CAMK1D: variants seen among roughly 807,000 people sequenced by gnomAD.
CAMK1D encodes calcium/calmodulin dependent protein kinase ID, also known as calcium/calmodulin-dependent protein kinase type 1D.
Under a neutral mutation model 47.7 loss-of-function variants are expected in CAMK1D, and 9 were observed. The observed-to-expected ratio is 0.19, with a 90% CI of 0.11 to 0.33. The LOEUF is 0.33. CAMK1D is among the 10% of genes least tolerant of loss of function. The probability of loss-of-function intolerance (pLI) is 1.00; values close to 1 mark genes in which losing one functional copy is unlikely to be tolerated. For synonymous variants in CAMK1D, 184 were observed against 184.9 expected, an observed-to-expected ratio of 0.99 and a Z score of 0.04; for missense variants, 291 against 488.7, an observed-to-expected ratio of 0.60 and a Z score of 3.81.
intron 1 of CAMK1D, among the ~76,000 whole-genome samples, chr10:12,529,573 A>G (rs1835737917): frequency 6.6e-6 from 1 of 152,188 alleles, no homozygotes; most frequent in Non-Finnish European, 1.5e-5. Context: ...CTTGATTTAG[A>G]TGACATATGT....
intron 3 of CAMK1D, among the ~76,000 whole-genome samples, chr10:12,752,444 G>C (rs1360248644): frequency 6.6e-6 from 1 of 152,146 alleles, no homozygotes; most frequent in Non-Finnish European, 1.5e-5. Flanking sequence ...TTGGAGACTC[G>C]GGAGGGTAGA....
chr10:12,367,052 G>A (rs990823282), intron 1 of CAMK1D, among the ~76,000 whole-genome samples: 8 of 152,126 alleles, frequency 5.3e-5, no homozygotes, highest in Admixed American at 2.0e-4. Flanking sequence ...TCAGCAGCGG[G>A]ACAGATCCTG....
intron 6 of CAMK1D, among the ~76,000 whole-genome samples, chr10:12,807,043 T>C (rs1441498101): frequency 6.6e-6 from 1 of 152,194 alleles, no homozygotes; most frequent in East Asian, 1.9e-4. Flanking sequence ...CTCTGAGTGA[T>C]CTTATCTGCT....
At chr10:12,632,602 C>G (rs1242926598) in intron 2 of CAMK1D, among the ~76,000 whole-genome samples, 3 of 152,176 alleles carry the variant, frequency 2.0e-5, no homozygotes, top group African/African-American at 7.2e-5. Flanking sequence ...GTATTTATTT[C>G]TGTTTTAGAG....
At chr10:12,797,643 T>C (rs1838252759) in intron 6 of CAMK1D, among the ~76,000 whole-genome samples, 1 of 152,174 alleles carries the variant, frequency 6.6e-6, no homozygotes, top group African/African-American at 2.4e-5. Context: ...GATTTCCAGT[T>C]GACTCATTTT....
intron 3 of CAMK1D, among the ~76,000 whole-genome samples, chr10:12,698,171 T>A (rs1833370646): frequency 6.6e-6 from 1 of 152,128 alleles, no homozygotes; most frequent in Non-Finnish European, 1.5e-5. Context: ...TGCCCAAGAG[T>A]TTTACATGGT....
chr10:12,716,301 C>T (rs1231073139), intron 3 of CAMK1D, among the ~76,000 whole-genome samples: 1 of 152,108 alleles, frequency 6.6e-6, no homozygotes, highest in Non-Finnish European at 1.5e-5. Flanking sequence ...GGCTTCCACC[C>T]ACTAGATGCC....
At chr10:12,367,917 G>T (rs1349644346) in intron 1 of CAMK1D, among the ~76,000 whole-genome samples, 1 of 152,192 alleles carries the variant, frequency 6.6e-6, no homozygotes, top group Non-Finnish European at 1.5e-5. Flanking sequence ...CTTTGGCCAG[G>T]CGCAGTGGCT....
chr10:12,413,301 A>G (rs539341678), intron 1 of CAMK1D, among the ~76,000 whole-genome samples: 28 of 152,300 alleles, frequency 1.8e-4, no homozygotes, highest in Non-Finnish European at 7.3e-5. Flanking sequence ...ACTCACTGTC[A>G]GGAAGACAGC....
At chr10:12,737,468 G>A (rs1835239249) in intron 3 of CAMK1D, among the ~76,000 whole-genome samples, 1 of 152,138 alleles carries the variant, frequency 6.6e-6, no homozygotes, top group African/African-American at 2.4e-5. Flanking sequence ...GACACAGGCT[G>A]TCTCGTATTC....
At chr10:12,467,683 C>T (rs533038034) in intron 1 of CAMK1D, among the ~76,000 whole-genome samples, 2 of 152,292 alleles carry the variant, frequency 1.3e-5, no homozygotes, top group East Asian at 3.9e-4. Context: ...CAGAGATACA[C>T]TTCATAATGC....
intron 2 of CAMK1D, among the ~76,000 whole-genome samples, chr10:12,644,187 G>A (rs1453070604): frequency 6.6e-6 from 1 of 152,306 alleles, no homozygotes; most frequent in Non-Finnish European, 1.5e-5. Context: ...CCACTGGGCT[G>A]TTGGAGTTCC....
At chr10:12,386,521 T>C (rs1010674760) in intron 1 of CAMK1D, among the ~76,000 whole-genome samples, 7 of 152,052 alleles carry the variant, frequency 4.6e-5, no homozygotes, top group African/African-American at 1.7e-4. Context: ...AAATAAACTG[T>C]GGCACATCAA....
rs1833271975 is a variant in CAMK1D, at chr10:12,827,424, C to T, written c.1040-1345C>T. Among the ~76,000 whole-genome samples, 3 of 111,140 alleles carry T rather than the reference C, an allele frequency of 2.7e-5. 1 individual carries two copies. The highest frequency in any genetic ancestry group is 6.1e-4 in the South Asian group (2 of 3,282). The allele number at this position is 111,140 out of a possible 152,430, so 72.9% of individuals were successfully genotyped here. A position where few individuals can be genotyped will look rare whatever the true frequency, so the allele number is the denominator to read the frequency against. Reference sequence around the variant, plus strand: ...CCTTTCTTCTTTCTCTCTTTCTTTCCTTCCTTCCTTCCTTCTTTCTTTCTT... The same window carrying T: ...CCTTTCTTCTTTCTCTCTTTCTTTCTTTCCTTCCTTCCTTCTTTCTTTCTT... On this transcript the variant is annotated intron_variant, in intron 10 of 10. Coordinates refer to ENST00000619168, the MANE Select transcript of CAMK1D (RefSeq NM_153498.4).
At chr10:12,453,014 T>C (rs189246447) in intron 1 of CAMK1D, among the ~76,000 whole-genome samples, 1 of 152,112 alleles carries the variant, frequency 6.6e-6, no homozygotes, top group East Asian at 1.9e-4. Flanking sequence ...TCATCTTCTC[T>C]CCTCCCAGTC....
chr10:12,382,463 T>C (rs554355769), intron 1 of CAMK1D, among the ~76,000 whole-genome samples: 71 of 152,256 alleles, frequency 4.7e-4, no homozygotes, highest in African/African-American at 1.7e-3. Flanking sequence ...AAAGGTGCTA[T>C]AGTCTGTTTA....
chr10:12,406,233 T>C (rs1002881262), intron 1 of CAMK1D, among the ~76,000 whole-genome samples: 1 of 152,142 alleles, frequency 6.6e-6, no homozygotes, highest in African/African-American at 2.4e-5. Flanking sequence ...CCGTGGAAGT[T>C]TGTTTCTGAC....
At chr10:12,663,815 A>T (rs1840348328) in intron 2 of CAMK1D, among the ~76,000 whole-genome samples, 1 of 152,168 alleles carries the variant, frequency 6.6e-6, no homozygotes, top group African/African-American at 2.4e-5. Context: ...TTTTTTGAAA[A>T]TAACTCATGC....
At chr10:12,597,819 CTTTA>C (rs1259964916) in intron 2 of CAMK1D, among the ~76,000 whole-genome samples, 1 of 152,136 alleles carries the variant, frequency 6.6e-6, no homozygotes, top group African/African-American at 2.4e-5. Flanking sequence ...GAGCTGCTTC[CTTTA>C]TTTATGCTCT....
Sources: allele counts gnomAD v4.1 joint callset (sites outside exome capture counted in the v4.1 genomes callset), GRCh38; gene constraint gnomAD v4.1.1; transcripts MANE v1.5; gene names NCBI Gene and HGNC (gene_info 2026-07-23, HGNC 2026-07-21).